The following DPYSL3 variants were observed in gnomAD, a reference collection of about 807,000 sequenced individuals.
DPYSL3 encodes dihydropyrimidinase-related protein 3.
Under a neutral mutation model 66.1 loss-of-function variants are expected in DPYSL3, and 16 were observed. That is an observed-to-expected ratio of 0.24 (90% CI 0.16 to 0.37). The LOEUF (loss-of-function observed/expected upper bound fraction) is 0.37. Among genes scored for constraint, DPYSL3 ranks in the 10% least tolerant of loss-of-function variants. DPYSL3 has a pLI of 1.00. For synonymous variants in DPYSL3, 338 were observed against 345.1 expected, an observed-to-expected ratio of 0.98 and a Z score of 0.23; for missense variants, 738 against 916.2, an observed-to-expected ratio of 0.81 and a Z score of 2.51.
intron 1 of DPYSL3, among the ~76,000 whole-genome samples, chr5:147,501,406 T>G (rs540985035): frequency 6.6e-6 from 1 of 152,166 alleles, no homozygotes; most frequent in South Asian, 2.1e-4. Flanking sequence ...TCATTGTATG[T>G]TTGTCCAAGC....
chr5:147,402,796 G>A (rs1285564291), intron 8 of DPYSL3, among the ~76,000 whole-genome samples: 1 of 152,118 alleles, frequency 6.6e-6, no homozygotes, highest in African/African-American at 2.4e-5. Flanking sequence ...ATGGAGAGGG[G>A]ATAAAGGCTA....
Position 147,391,537 on chromosome 5 carries a change from TCAGATA to T in DPYSL3, c.*2492_*2497del, listed in dbSNP as rs1389051087. The T allele has an allele frequency of 1.3e-5, 2 of 152,392 alleles. No homozygotes were observed. Among genetic ancestry groups the T allele is most frequent in the African/African-American group, 4.8e-5 (2 of 41,392 alleles). 9.4% of individuals were successfully genotyped at this position (152,392 alleles called of 1,614,324 possible). A position where few individuals can be genotyped will look rare whatever the true frequency, so the allele number is the denominator to read the frequency against. On this transcript the variant is annotated 3_prime_UTR_variant, in exon 14 of 14. Coordinates refer to ENST00000343218, the MANE Select transcript of DPYSL3 (RefSeq NM_001197294.2). Reference sequence around the variant, plus strand: ...GAGATGGCAAAGGACAGCTTTGGAATCAGATAGACGATCCAGCGTGCCTTCCTACAC... The same window carrying T: ...GAGATGGCAAAGGACAGCTTTGGAATGACGATCCAGCGTGCCTTCCTACAC...
At chr5:147,441,634 G>A (rs1752534727) in intron 1 of DPYSL3, among the ~76,000 whole-genome samples, 1 of 152,108 alleles carries the variant, frequency 6.6e-6, no homozygotes, top group African/African-American at 2.4e-5. Context: ...GTTATCAGAA[G>A]AGCAAGGAAA....
intron 1 of DPYSL3, among the ~76,000 whole-genome samples, chr5:147,426,971 C>CA (rs1480936973): frequency 6.6e-6 from 1 of 152,212 alleles, no homozygotes; most frequent in Non-Finnish European, 1.5e-5. Context: ...ACATGATATA[C>CA]AAGCCCCTCA....
chr5:147,442,905 A>G (rs1167736969), intron 1 of DPYSL3, among the ~76,000 whole-genome samples: 1 of 152,024 alleles, frequency 6.6e-6, no homozygotes, highest in Non-Finnish European at 1.5e-5. Flanking sequence ...GAGTAATTTC[A>G]TTGTAGCTTA....
At chr5:147,486,661 G>A (rs1412755335) in intron 1 of DPYSL3, among the ~76,000 whole-genome samples, 1 of 152,112 alleles carries the variant, frequency 6.6e-6, no homozygotes, top group Non-Finnish European at 1.5e-5. Flanking sequence ...ATTTCTGACT[G>A]CTATTAACCC....
intron 1 of DPYSL3, among the ~76,000 whole-genome samples, chr5:147,473,978 T>G (rs1753120849): frequency 6.6e-6 from 1 of 152,154 alleles, no homozygotes; most frequent in Non-Finnish European, 1.5e-5. Flanking sequence ...TTATCAATTA[T>G]TTTCATAGGT....
At chr5:147,497,819 A>G (rs1185713146) in intron 1 of DPYSL3, among the ~76,000 whole-genome samples, 1 of 152,130 alleles carries the variant, frequency 6.6e-6, no homozygotes, top group Non-Finnish European at 1.5e-5. Context: ...GAGAAACTCA[A>G]AGCTTTCCTA....
At chr5:147,451,990 A>C (rs10056132) in intron 1 of DPYSL3, among the ~76,000 whole-genome samples, 1 of 151,860 alleles carries the variant, frequency 6.6e-6, no homozygotes. Context: ...AAGGAGGATC[A>C]GTTAAAACCC....
At chr5:147,478,131 C>T (rs921297334) in intron 1 of DPYSL3, among the ~76,000 whole-genome samples, 7 of 152,200 alleles carry the variant, frequency 4.6e-5, no homozygotes, top group Non-Finnish European at 2.9e-5. Flanking sequence ...ATCTCTCAGT[C>T]TCACAGAACT....
At chr5:147,491,990 A>G (rs6880491) in intron 1 of DPYSL3, among the ~76,000 whole-genome samples, 5 of 151,824 alleles carry the variant, frequency 3.3e-5, no homozygotes, top group South Asian at 2.1e-4. Context: ...ACCCTTACAC[A>G]TAGACATATA....
intron 3 of DPYSL3, 73 bp from the exon 4 acceptor site, chr5:147,415,946 G>A: frequency 6.6e-7 from 1 of 1,510,952 alleles, no homozygotes; most frequent in South Asian, 1.3e-5. Context: ...GCCTGCTCCT[G>A]CTTGCTTAGC....
rs754755140 is a variant in DPYSL3 at position 147,437,306 on chromosome 5, G to A, written c.382-12343C>T. On this transcript the variant is annotated intron_variant, in intron 1 of 13. Transcript: ENST00000343218. ...ACCTTTTCACCAAATCTGAAAGCCC[G>A]CCAAAATGCAACTCCCAGAGGAGGA... Among the ~76,000 whole-genome samples, 6 of 152,248 alleles carry A rather than the reference G, an allele frequency of 3.9e-5. No individual in the cohort carries two copies. The South Asian group carries it at 1.2e-3, about 32-fold the overall frequency.
chr5:147,507,765 T>C (rs752118358), intron 1 of DPYSL3, among the ~76,000 whole-genome samples: 2 of 152,124 alleles, frequency 1.3e-5, no homozygotes, highest in Admixed American at 6.6e-5. Flanking sequence ...TAGCCAAAAG[T>C]ATAGGGTTTG....
chr5:147,431,717 GCTCCTGC>G (rs1340657564), intron 1 of DPYSL3, among the ~76,000 whole-genome samples: 1 of 152,050 alleles, frequency 6.6e-6, no homozygotes, highest in Non-Finnish European at 1.5e-5. Flanking sequence ...ACTGTTCTCA[GCTCCTGC>G]CACCAGCAGC....
chr5:147,458,814 C>A lies in DPYSL3; in HGVS notation c.382-33851G>T, dbSNP rs1027734070. On this transcript the variant is annotated intron_variant, in intron 1 of 13. Transcript: ENST00000343218. Reference sequence around the variant, plus strand: ...GAAGGGAGAGAAAAACTCAAGGGAACTGAGGATGAAGCAAGGGATCTAAGC... The same window carrying A: ...GAAGGGAGAGAAAAACTCAAGGGAAATGAGGATGAAGCAAGGGATCTAAGC... 2.0e-5 allele frequency among the ~76,000 whole-genome samples: 3 copies of A among 152,048 alleles called. No homozygotes were observed. The East Asian group carries it at 5.8e-4, about 29-fold the overall frequency.
rs1322955406 is a variant in DPYSL3, at chr5:147,418,579, T to C, written c.523A>G (p.Asn175Asp). Residue 175 changes from asparagine (N) to aspartate (D), a missense_variant, in exon 3 of 14, where the codon AAT becomes GAT. Asn to Asp is a conservative substitution (Grantham distance 23). Coordinates refer to ENST00000343218, the MANE Select transcript of DPYSL3 (RefSeq NM_001197294.2). ...VPGGVKTIEANGKMVIPGGID... is the reference protein window; with the variant it reads ...VPGGVKTIEADGKMVIPGGID... ...CCTCCAGGGATCACCATCTTCCCAT[T>C]GGCTTCAATGGTCTTCACTCCTCCA... 2.5e-6 allele frequency: 4 copies of C among 1,611,758 alleles called. No homozygotes were observed. The highest frequency in any genetic ancestry group is 3.4e-6 in the Non-Finnish European group (4 of 1,178,620).
chr5:147,418,969 T>C (rs189568027), intron 2 of DPYSL3, among the ~76,000 whole-genome samples: 74 of 152,338 alleles, frequency 4.9e-4, no homozygotes, highest in African/African-American at 1.6e-3. Flanking sequence ...TTTTGTTCTT[T>C]AAGTTAAGGT....
intron 3 of DPYSL3, among the ~76,000 whole-genome samples, chr5:147,416,934 T>C: frequency 6.6e-6 from 1 of 152,176 alleles, no homozygotes; most frequent in East Asian, 1.9e-4. Flanking sequence ...CCATGACATA[T>C]TATTTAGCAA....
Sources: gnomAD v4.1 joint callset for allele counts (sites outside exome capture counted in the v4.1 genomes callset) on GRCh38, gnomAD v4.1.1 for gene constraint, MANE v1.5 for transcripts, NCBI Gene and HGNC (gene_info 2026-07-23, HGNC 2026-07-21) for gene names.